Variants in GLIS3 observed in about 807,000 individuals in gnomAD.
The protein encoded by GLIS3 is zinc finger protein GLIS3.
In GLIS3, 53 loss-of-function variants were observed where a neutral mutation model predicts 78.6. That is an observed-to-expected ratio of 0.67 (90% CI 0.54 to 0.85). The LOEUF (loss-of-function observed/expected upper bound fraction) is 0.85. Ranked by LOEUF, GLIS3 falls within the 40% of genes least tolerant of loss-of-function variation. The pLI is 0.00. For synonymous variants in GLIS3, 684 were observed against 509.9 expected (o/e 1.34, Z -4.60); for missense variants, 1,703 against 1,231.1 (o/e 1.38, Z -5.74).
At chr9:4,006,304 CAAAA>C (rs71497513) in intron 4 of GLIS3, among the ~76,000 whole-genome samples, 5 of 32,538 alleles carry the variant, frequency 1.5e-4, no homozygotes, top group African/African-American at 4.1e-4. Flanking sequence ...TCATATGTCT[CAAAA>C]AAAAAAAAAA....
At chr9:4,093,257 C>T (rs1340338804) in intron 4 of GLIS3, among the ~76,000 whole-genome samples, 6 of 133,792 alleles carry the variant, frequency 4.5e-5, no homozygotes, top group Admixed American at 1.4e-4. Context: ...TGCTATGCTG[C>T]CTGGAAAAAA....
At chr9:4,165,488 A>G (rs756848952) in intron 2 of GLIS3, among the ~76,000 whole-genome samples, 2 of 152,212 alleles carry the variant, frequency 1.3e-5, no homozygotes, top group African/African-American at 2.4e-5. Flanking sequence ...CATGGGGGGA[A>G]AAAGATTTTC....
intron 4 of GLIS3, among the ~76,000 whole-genome samples, chr9:3,992,510 G>A (rs553661940): frequency 1.8e-4 from 27 of 152,280 alleles, no homozygotes; most frequent in East Asian, 9.7e-4. Context: ...AATCCTCAGC[G>A]TAAAGGAGGA....
intron 2 of GLIS3, among the ~76,000 whole-genome samples, chr9:4,275,169 G>C (rs943746905): frequency 1.3e-5 from 2 of 152,118 alleles, no homozygotes; most frequent in Non-Finnish European, 2.9e-5. Flanking sequence ...TGTCACTCAG[G>C]TGGCCACACA....
chr9:4,206,209 T>C (rs144674035), intron 2 of GLIS3, among the ~76,000 whole-genome samples: 18 of 152,320 alleles, frequency 1.2e-4, no homozygotes, highest in African/African-American at 2.6e-4. Context: ...CCAAGGGATA[T>C]TGCAAGTGAG....
intron 2 of GLIS3, among the ~76,000 whole-genome samples, chr9:4,164,864 A>C (rs1835760046): frequency 6.6e-6 from 1 of 152,246 alleles, no homozygotes; most frequent in African/African-American, 2.4e-5. Context: ...AAAGATGCTT[A>C]ATCTTGACAA....
In GLIS3 at chr9:3,902,150, A is replaced by T. The variant is rs374332318; in HGVS notation, c.1984-3315T>A. ...TTTTCCAACAGTGTGAGTCCATACA[A>T]CTTTGTGGTGAGAGTTAATTTGGTT... On this transcript the variant is annotated intron_variant, in intron 6 of 10. Coordinates refer to ENST00000381971, the MANE Select transcript of GLIS3 (RefSeq NM_001042413.2). 6.6e-5 allele frequency among the ~76,000 whole-genome samples: 10 copies of T among 152,342 alleles called. No individual in the cohort carries two copies. In the East Asian group the frequency reaches 9.7e-4, roughly 15 times the overall value.
chr9:4,112,662 A>C (rs1283259244), intron 4 of GLIS3, among the ~76,000 whole-genome samples: 1 of 152,192 alleles, frequency 6.6e-6, no homozygotes, highest in Non-Finnish European at 1.5e-5. Context: ...TCGTGGAAAG[A>C]TCAATTTCTC....
At chr9:3,966,600 G>C (rs1817950603) in intron 4 of GLIS3, among the ~76,000 whole-genome samples, 1 of 151,862 alleles carries the variant, frequency 6.6e-6, no homozygotes, top group African/African-American at 2.4e-5. Context: ...GTCAAGACCA[G>C]CCTGGCCAAC....
At position 3,991,683 on chromosome 9, in the gene GLIS3, A is replaced by AATTTTTTTTTTTTTTTTTT. The variant is rs1265317427; in HGVS notation, c.1711-54495_1711-54494insAAAAAAAAAAAAAAAAAAT. On this transcript the variant is annotated intron_variant, in intron 4 of 10. Transcript: ENST00000381971. ...GTTCAGAATTTCATTAAGTAGGCTG[A>AATTTTTTTTTTTTTTTTTT]TTTTTTTTTTTTTTTTTTTTTTTTT... Among the ~76,000 whole-genome samples, 46 of 87,898 alleles carry AATTTTTTTTTTTTTTTTTT rather than the reference A, an allele frequency of 5.2e-4. 9 individuals are homozygous for AATTTTTTTTTTTTTTTTTT. Among genetic ancestry groups the AATTTTTTTTTTTTTTTTTT allele is most frequent in the African/African-American group, 2.4e-3 (45 of 18,974 alleles). 57.7% of individuals were successfully genotyped at this position (87,898 alleles called of 152,430 possible).
At chr9:3,918,765 A>G (rs1173391847) in intron 6 of GLIS3, among the ~76,000 whole-genome samples, 1 of 152,190 alleles carries the variant, frequency 6.6e-6, no homozygotes, top group Admixed American at 6.5e-5. Flanking sequence ...ACACAAAAAA[A>G]CAAAAACTGT....
intron 4 of GLIS3, among the ~76,000 whole-genome samples, chr9:3,973,259 T>C (rs1173677776): frequency 6.6e-6 from 1 of 152,170 alleles, no homozygotes; most frequent in Non-Finnish European, 1.5e-5. Context: ...GAAGGTCACC[T>C]GAGCTTTGGT....
intron 2 of GLIS3, among the ~76,000 whole-genome samples, chr9:4,285,377 A>C (rs1460056338): frequency 6.6e-6 from 1 of 152,200 alleles, no homozygotes; most frequent in Non-Finnish European, 1.5e-5. Flanking sequence ...AATGAATTAA[A>C]AGCACATTCT....
the GLIS3 span, among the ~76,000 whole-genome samples, chr9:4,471,421 G>A: frequency 2.6e-3 from 397 of 152,188 alleles, 1 homozygote; most frequent in African/African-American, 9.0e-3. Flanking sequence ...TAGACCAATG[G>A]AACAGAACAG....
the GLIS3 span, among the ~76,000 whole-genome samples, chr9:4,372,730 C>G: frequency 6.6e-6 from 1 of 152,152 alleles, no homozygotes; most frequent in African/African-American, 2.4e-5. Flanking sequence ...TTCCTAAAGA[C>G]TCCTAAAAAT....
At chr9:4,311,801 A>G (rs1231449876) in intron 2 of GLIS3, among the ~76,000 whole-genome samples, 1 of 152,224 alleles carries the variant, frequency 6.6e-6, no homozygotes, top group Admixed American at 6.5e-5. Flanking sequence ...GAGCAGGGAA[A>G]GTGGTTAGGT....
intron 3 of GLIS3, among the ~76,000 whole-genome samples, chr9:4,119,574 C>G (rs970821261): frequency 6.6e-6 from 1 of 152,106 alleles, no homozygotes; most frequent in African/African-American, 2.4e-5. Context: ...AAACTGATAA[C>G]AAGTCATATC....
chr9:4,490,134 T>G, the GLIS3 span, among the ~76,000 whole-genome samples: 113,253 of 152,220 alleles, frequency 0.74, 42,276 homozygotes, highest in East Asian at 0.93. Flanking sequence ...ACGTGCAGGA[T>G]GAAGTCCGCG....
chr9:4,430,848 G>T, the GLIS3 span, among the ~76,000 whole-genome samples: 1 of 152,128 alleles, frequency 6.6e-6, no homozygotes, highest in Non-Finnish European at 1.5e-5. Flanking sequence ...TCAGGGGAAA[G>T]TTCATGTTTA....
Sources: allele counts gnomAD v4.1 joint callset (sites outside exome capture counted in the v4.1 genomes callset), GRCh38; gene constraint gnomAD v4.1.1; transcripts MANE v1.5; gene names NCBI Gene and HGNC (gene_info 2026-07-23, HGNC 2026-07-21).